Variants in CEP164 observed in about 807,000 individuals in gnomAD.
CEP164 encodes centrosomal protein 164, also known as centrosomal protein of 164 kDa.
CEP164 carries 162 observed loss-of-function variants against 182.7 expected under a neutral mutation model. The ratio of observed to expected loss-of-function variants is 0.89; its 90% confidence interval spans 0.78 to 1.01. CEP164 has a LOEUF of 1.01. Ranked by LOEUF, CEP164 falls within the 50% of genes least tolerant of loss-of-function variation. CEP164 has a pLI of 0.00. For synonymous variants in CEP164, 661 were observed against 690.0 expected (o/e 0.96, Z 0.66); for missense variants, 1,735 against 1,790.4 (o/e 0.97, Z 0.56).
At chr11:117,370,538 GA>G (rs1461400588) in intron 8 of CEP164, among the ~76,000 whole-genome samples, 1 of 152,192 alleles carries the variant, frequency 6.6e-6, no homozygotes, top group East Asian at 1.9e-4. Context: ...AGTGGATGGG[GA>G]TCAGCTTGGG....
Position 117,372,135 on chromosome 11 carries a change from T to C in CEP164, c.1152+669T>C, listed in dbSNP as rs1361840336. Reference sequence around the variant, plus strand: ...TTTTTTTTTTTTTTTTAAGACAGAGTCTCACTCCTTCACCCCAGCTAGAGT... The same window carrying C: ...TTTTTTTTTTTTTTTTAAGACAGAGCCTCACTCCTTCACCCCAGCTAGAGT... On this transcript the variant is annotated intron_variant, in intron 9 of 32. Transcript: ENST00000278935. Among the ~76,000 whole-genome samples the C allele has an allele frequency of 3.8e-4, 50 of 132,374 alleles. 1 individual carries two copies. In the Admixed American group the frequency reaches 4.2e-3, roughly 11 times the overall value. 86.8% of individuals were successfully genotyped at this position (132,374 alleles called of 152,430 possible). A position where few individuals can be genotyped will look rare whatever the true frequency, so the allele number is the denominator to read the frequency against.
intron 8 of CEP164, among the ~76,000 whole-genome samples, chr11:117,366,734 TG>T (rs771772404): frequency 6.6e-6 from 1 of 152,138 alleles, no homozygotes; most frequent in Non-Finnish European, 1.5e-5. Flanking sequence ...ATCAGCTTGA[TG>T]GGGGTCTCTG....
Position 117,396,115 on chromosome 11 carries a change from A to C in CEP164, c.3151A>C (p.Asn1051His). 1 of 1,614,154 alleles carries C rather than the reference A, an allele frequency of 6.2e-7. No homozygotes were observed. The part of the protein sequence containing the change: ...HLLREVTVEE[N>H]NASPHFEPDL... ...GTTGAGAGAAGTGACAGTTGAGGAA[A>C]ATAATGCTTCCCCACATTTTGAGCC... Residue 1051 changes from asparagine (N) to histidine (H), a missense_variant, in exon 25 of 33, where the codon AAT (asparagine) becomes CAT (histidine). By Grantham distance (68) the Asn-to-His change is moderately conservative. Coordinates refer to ENST00000278935, the MANE Select transcript of CEP164 (RefSeq NM_014956.5).
chr11:117,354,946 G>C (rs1255664745), intron 5 of CEP164: 2 of 1,285,332 alleles, frequency 1.6e-6, no homozygotes, highest in Non-Finnish European at 2.0e-6. Context: ...CGCAGCCTGA[G>C]GAGGGACTTC....
intron 3 of CEP164, among the ~76,000 whole-genome samples, chr11:117,341,235 T>G (rs2038066281): frequency 6.6e-6 from 1 of 152,202 alleles, no homozygotes; most frequent in South Asian, 2.1e-4. Flanking sequence ...AGTCCAGGTG[T>G]AGGCATTCTA....
upstream of CEP164, chr11:117,323,827 C>T (rs757981807): frequency 2.6e-6 from 1 of 387,426 alleles, no homozygotes; most frequent in South Asian, 1.9e-5. Context: ...TTTTGGTTTG[C>T]ATTTCCCTCA....
At chr11:117,376,423 C>G (rs1227586844) in intron 11 of CEP164, among the ~76,000 whole-genome samples, 1 of 152,204 alleles carries the variant, frequency 6.6e-6, no homozygotes, top group Non-Finnish European at 1.5e-5. Context: ...AAAGATGGCT[C>G]AAACAGAGAT....
At chr11:117,395,771 C>T (rs752943693) in intron 24 of CEP164, 49 bp downstream of exon 24, 27 of 1,548,582 alleles carry the variant, frequency 1.7e-5, no homozygotes, top group Non-Finnish European at 2.4e-5. Context: ...TCCTGCCTGC[C>T]CTCTGACCTC....
At chr11:117,396,468 C>G in intron 25 of CEP164, 82 bp from the exon 26 acceptor site, 1 of 1,150,044 alleles carries the variant, frequency 8.7e-7, no homozygotes, top group Non-Finnish European at 1.3e-6. Flanking sequence ...GTCTAGACCA[C>G]TGGGAGGGGC....
chr11:117,323,837 A>G, upstream of CEP164: 2 of 402,660 alleles, frequency 5.0e-6, no homozygotes, highest in South Asian at 3.6e-5. Context: ...CATTTCCCTC[A>G]TGGTTAGTAA....
intron 28 of CEP164, chr11:117,408,556 C>A: frequency 2.9e-6 from 1 of 342,392 alleles, no homozygotes; most frequent in Admixed American, 4.1e-5. Context: ...GCCTTGCCTC[C>A]CTCCCACCCT....
intron 1 of CEP164, among the ~76,000 whole-genome samples, chr11:117,330,022 G>T (rs1219618980): frequency 6.6e-6 from 1 of 151,846 alleles, no homozygotes; most frequent in Non-Finnish European, 1.5e-5. Context: ...TTAATTCTTT[G>T]CACCCACCTT....
chr11:117,326,709 C>G (rs1212834161), upstream of CEP164, among the ~76,000 whole-genome samples: 1 of 152,166 alleles, frequency 6.6e-6, no homozygotes, highest in East Asian at 1.9e-4. Flanking sequence ...TCTGTATATT[C>G]CAACAATCTG....
At chr11:117,357,248 A>C (rs1299450698) in intron 5 of CEP164, among the ~76,000 whole-genome samples, 1 of 151,670 alleles carries the variant, frequency 6.6e-6, no homozygotes, top group Non-Finnish European at 1.5e-5. Flanking sequence ...CTGGGATTAC[A>C]GGTGCTCACC....
At chr11:117,392,147 C>G in intron 17 of CEP164, 79 bp from the exon 18 acceptor site, 1 of 1,298,436 alleles carries the variant, frequency 7.7e-7, no homozygotes, top group Non-Finnish European at 1.0e-6. Flanking sequence ...GCTTGGGGGT[C>G]GGTAGTCTTC....
At chr11:117,390,707 C>A in intron 15 of CEP164, 70 bp from the exon 16 acceptor site, 2 of 1,592,288 alleles carry the variant, frequency 1.3e-6, no homozygotes, top group Non-Finnish European at 8.6e-7. Context: ...AGGCTGAGAG[C>A]CATAGCTTAT....
chr11:117,410,453 G>A (rs1237558150), intron 30 of CEP164: 1 of 269,188 alleles, frequency 3.7e-6, no homozygotes, highest in African/African-American at 2.2e-5. Flanking sequence ...CCCAGTGAGT[G>A]AGTAACAAAC....
At chr11:117,350,746 T>A (rs368793041) in intron 4 of CEP164, among the ~76,000 whole-genome samples, 6 of 152,314 alleles carry the variant, frequency 3.9e-5, no homozygotes, top group African/African-American at 9.6e-5. Flanking sequence ...GTCTTTCTAT[T>A]CTGGAATACT....
In CEP164 at chr11:117,361,675, A is replaced by G. The variant is rs17500548; in HGVS notation, c.394-160A>G. Among the ~76,000 whole-genome samples, 29,089 of 152,128 alleles carry G rather than the reference A, an allele frequency of 0.19. 2,826 individuals are homozygous for G. The highest frequency in any genetic ancestry group is 0.25 in the Admixed American group (3,780 of 15,284). ...TGTGATTTCTCACACAGTTGGCACA[A>G]TGGTAATTTCTGGATGTTGTGTTTC... On this transcript the variant is annotated intron_variant, in intron 5 of 32. Coordinates refer to ENST00000278935, the MANE Select transcript of CEP164 (RefSeq NM_014956.5).
Sources: allele counts gnomAD v4.1 joint callset (sites outside exome capture counted in the v4.1 genomes callset), GRCh38; gene constraint gnomAD v4.1.1; transcripts MANE v1.5; gene names NCBI Gene and HGNC (gene_info 2026-07-23, HGNC 2026-07-21).